Variants in CACNB4 observed in about 807,000 individuals in gnomAD.
CACNB4 encodes calcium voltage-gated channel auxiliary subunit beta 4, also known as voltage-dependent L-type calcium channel subunit beta-4.
CACNB4 carries 32 observed loss-of-function variants against 71.2 expected under a neutral mutation model. That is an observed-to-expected ratio of 0.45 (90% confidence interval 0.34 to 0.60). The LOEUF is 0.60. Among genes scored for constraint, CACNB4 ranks in the 20% least tolerant of loss-of-function variants. The probability of loss-of-function intolerance (pLI) is 0.01; values close to 1 mark genes in which losing one functional copy is unlikely to be tolerated. For missense variants in CACNB4, 464 were observed against 647.9 expected, an observed-to-expected ratio of 0.72 and a Z score of 3.08; for synonymous variants, 231 against 236.9, an observed-to-expected ratio of 0.97 and a Z score of 0.23.
chr2:151,863,248 T>C (rs754294077), intron 9 of CACNB4, among the ~76,000 whole-genome samples: 74 of 152,088 alleles, frequency 4.9e-4, no homozygotes, highest in Non-Finnish European at 1.5e-4. Context: ...GTATTTTTAC[T>C]ACAGATGAGG....
chr2:151,956,531 G>A (rs1338561920), intron 2 of CACNB4, among the ~76,000 whole-genome samples: 1 of 152,202 alleles, frequency 6.6e-6, no homozygotes, highest in African/African-American at 2.4e-5. Context: ...GTTGGAAGGA[G>A]ATGGGGAGTG....
At chr2:151,877,199 T>G (rs1234989776) in intron 4 of CACNB4, among the ~76,000 whole-genome samples, 1 of 151,640 alleles carries the variant, frequency 6.6e-6, no homozygotes, top group African/African-American at 2.4e-5. Context: ...TCTGTAAAGG[T>G]CCAAGTAGTA....
At chr2:152,023,834 G>A (rs555935544) in intron 2 of CACNB4, among the ~76,000 whole-genome samples, 1 of 152,302 alleles carries the variant, frequency 6.6e-6, no homozygotes, top group African/African-American at 2.4e-5. Flanking sequence ...ACAACTCAAC[G>A]AATTGAAAAC....
chr2:151,948,676 A>T (rs1192907391), intron 2 of CACNB4, among the ~76,000 whole-genome samples: 1 of 152,062 alleles, frequency 6.6e-6, no homozygotes, highest in Non-Finnish European at 1.5e-5. Context: ...AAAAGAAAAA[A>T]AGTCTAAAAT....
At position 152,040,642 on chromosome 2, in the gene CACNB4, A is replaced by C. The variant is rs192187156; in HGVS notation, c.147+57688T>G. On this transcript the variant is annotated intron_variant, in intron 2 of 13. Coordinates refer to ENST00000539935, the MANE Select transcript of CACNB4 (RefSeq NM_000726.5). Reference sequence around the variant, plus strand: ...TTTTTAGTAGAGACGAGGTTTCACCATGTTGACCAGGCTGGTTTGAACTCC... The same window carrying C: ...TTTTTAGTAGAGACGAGGTTTCACCCTGTTGACCAGGCTGGTTTGAACTCC... 6.4e-4 allele frequency among the ~76,000 whole-genome samples: 98 copies of C among 152,292 alleles called. 2 individuals are homozygous for C. The East Asian group carries it at 0.017, about 26-fold the overall frequency.
chr2:152,033,958 T>C (rs1376102437), intron 2 of CACNB4, among the ~76,000 whole-genome samples: 1 of 152,180 alleles, frequency 6.6e-6, no homozygotes. Flanking sequence ...GCAAGAACTT[T>C]GTATTGCTTG....
intron 2 of CACNB4, among the ~76,000 whole-genome samples, chr2:152,079,778 C>A (rs1253505517): frequency 6.6e-6 from 1 of 151,992 alleles, no homozygotes; most frequent in African/African-American, 2.4e-5. Context: ...AGAGCGATAT[C>A]CTGTCTCAAA....
At chr2:151,901,862 C>T (rs1318679678) in intron 2 of CACNB4, among the ~76,000 whole-genome samples, 1 of 152,140 alleles carries the variant, frequency 6.6e-6, no homozygotes, top group Non-Finnish European at 1.5e-5. Flanking sequence ...ACTGCAAATT[C>T]TATTACTTCA....
At chr2:151,848,945 G>A (rs2099838316) in intron 12 of CACNB4, among the ~76,000 whole-genome samples, 1 of 151,880 alleles carries the variant, frequency 6.6e-6, no homozygotes. Context: ...GAAGCAAAAA[G>A]AAATAAAAAA....
intron 2 of CACNB4, among the ~76,000 whole-genome samples, chr2:151,933,222 T>C (rs948196126): frequency 9.9e-5 from 15 of 151,580 alleles, no homozygotes; most frequent in African/African-American, 3.6e-4. Flanking sequence ...AACCTAATAG[T>C]ATCCAATAAG....
At chr2:152,017,176 T>C (rs1446452943) in intron 2 of CACNB4, among the ~76,000 whole-genome samples, 2 of 150,038 alleles carry the variant, frequency 1.3e-5, no homozygotes, top group African/African-American at 5.1e-5. Context: ...TAACTAAGGC[T>C]GTTTAATGAA....
At chr2:152,003,936 C>A (rs1445206383) in intron 2 of CACNB4, among the ~76,000 whole-genome samples, 12 of 152,112 alleles carry the variant, frequency 7.9e-5, no homozygotes, top group Admixed American at 7.9e-4. Context: ...CCTTAAACTT[C>A]TGGGGTCAAG....
intron 2 of CACNB4, among the ~76,000 whole-genome samples, chr2:151,948,882 A>G (rs2099866221): frequency 1.3e-5 from 2 of 152,152 alleles, no homozygotes; most frequent in Non-Finnish European, 2.9e-5. Context: ...CTGCAAGCAC[A>G]CAGTTTAATG....
chr2:152,000,625 C>T (rs545308927), intron 2 of CACNB4, among the ~76,000 whole-genome samples: 2 of 152,284 alleles, frequency 1.3e-5, no homozygotes, highest in South Asian at 2.1e-4. Flanking sequence ...ACTCTTGGTT[C>T]CTTTCTCAGT....
Position 151,860,725 on chromosome 2 carries a change from G to A in CACNB4, c.854C>T (p.Thr285Ile). 6.2e-7 allele frequency: 1 copy of A among 1,610,908 alleles called. No individual in the cohort carries two copies. The highest frequency in any genetic ancestry group is 1.7e-5 in the Admixed American group (1 of 60,016). ...SKRAIIERSN[T>I]RSSLAEVQSE... ...GAACATCTTACCTAAGCTGGACCGGGTGTTCGAACGTTCAATTATTGCTCT... is the reference window on the plus strand; with the variant it reads ...GAACATCTTACCTAAGCTGGACCGGATGTTCGAACGTTCAATTATTGCTCT... The change falls in exon 10 of 14, where the codon ACC becomes ATC. Residue 285 changes from threonine (T) to isoleucine (I), a missense_variant. Thr to Ile is a moderately conservative substitution (Grantham distance 89). Transcript: ENST00000539935.
intron 2 of CACNB4, among the ~76,000 whole-genome samples, chr2:151,977,493 T>C (rs2099874024): frequency 1.3e-5 from 2 of 152,192 alleles, no homozygotes; most frequent in Non-Finnish European, 2.9e-5. Context: ...ATTAAGTCCC[T>C]TTTCCTTACC....
chr2:152,067,185 A>T (rs1018977547), intron 2 of CACNB4, among the ~76,000 whole-genome samples: 1 of 152,128 alleles, frequency 6.6e-6, no homozygotes, highest in Non-Finnish European at 1.5e-5. Flanking sequence ...AGTGCAGGGG[A>T]GTAAATGCCT....
At chr2:151,843,122 A>G (rs1048692973) in intron 12 of CACNB4, among the ~76,000 whole-genome samples, 2 of 152,220 alleles carry the variant, frequency 1.3e-5, no homozygotes, top group African/African-American at 4.8e-5. Flanking sequence ...CCATTGTTCA[A>G]CATCTGGTCT....
intron 2 of CACNB4, among the ~76,000 whole-genome samples, chr2:152,074,687 ATC>A (rs1686907717): frequency 1.4e-5 from 1 of 70,554 alleles, no homozygotes; most frequent in Non-Finnish European, 2.8e-5. Flanking sequence ...TATCATCACC[ATC>A]ACCCCCTCAC....
Sources: allele counts gnomAD v4.1 joint callset (sites outside exome capture counted in the v4.1 genomes callset), GRCh38; gene constraint gnomAD v4.1.1; transcripts MANE v1.5; gene names NCBI Gene and HGNC (gene_info 2026-07-23, HGNC 2026-07-21).